TRIM5: variants seen among roughly 807,000 people sequenced by gnomAD.
TRIM5 encodes the protein tripartite motif-containing protein 5.
A neutral mutation model predicts 35.6 loss-of-function variants in TRIM5; 31 were observed. That is an observed-to-expected ratio of 0.87 (90% CI 0.65 to 1.18). The LOEUF is 1.18. Ranked by LOEUF, TRIM5 falls within the 50% of genes most tolerant of loss-of-function variation. The probability of loss-of-function intolerance (pLI) is 0.00; values close to 1 mark genes in which losing one functional copy is unlikely to be tolerated. For missense variants in TRIM5, 609 were observed against 591.6 expected, an observed-to-expected ratio of 1.03 and a Z score of -0.31; for synonymous variants, 243 against 215.6, an observed-to-expected ratio of 1.13 and a Z score of -1.11.
At chr11:5,599,528 C>T in the TRIM5 span, among the ~76,000 whole-genome samples, 18 of 152,028 alleles carry the variant, frequency 1.2e-4, no homozygotes, top group African/African-American at 3.9e-4. Context: ...CTCAGCCTCC[C>T]GAGTAGCTGG....
chr11:5,626,286 C>T, the TRIM5 span, among the ~76,000 whole-genome samples: 57 of 152,236 alleles, frequency 3.7e-4, no homozygotes, highest in African/African-American at 1.3e-3. Flanking sequence ...AGCCTACATC[C>T]AAATAGAAAG....
chr11:5,626,332 C>T, the TRIM5 span, among the ~76,000 whole-genome samples: 1 of 152,164 alleles, frequency 6.6e-6, no homozygotes, highest in Non-Finnish European at 1.5e-5. Flanking sequence ...TTAGAGTACA[C>T]AAGAAGATGA....
At chr11:5,657,687 TTTATAATATA>T in the TRIM5 span, among the ~76,000 whole-genome samples, 501 of 130,392 alleles carry the variant, frequency 3.8e-3, 5 homozygotes, top group African/African-American at 0.014. Context: ...TATATATATA[TTTATAATATA>T]ATATATATAA....
At chr11:5,589,336 T>C in the TRIM5 span, 2 of 152,040 alleles carry the variant, frequency 1.3e-5, no homozygotes, top group African/African-American at 4.8e-5. Flanking sequence ...TAATTTATTA[T>C]GGAAATTATA....
the TRIM5 span, among the ~76,000 whole-genome samples, chr11:5,617,520 C>T: frequency 5.6e-4 from 67 of 120,000 alleles, 4 homozygotes; most frequent in South Asian, 7.3e-3. Flanking sequence ...CAGAGTTTTG[C>T]TCTTGTTGCC....
rs186992432 is a variant in TRIM5, at chr11:5,682,624, C to T, written c.-62+2244G>A. On this transcript the variant is annotated intron_variant, in intron 1 of 7. Transcript: ENST00000380034. ...CCAGATCCAAGGGGGAAATTAGACC[C>T]CCGAACCAGCGTATATACTGGAACT... 1.2e-4 allele frequency among the ~76,000 whole-genome samples: 18 copies of T among 152,316 alleles called. No individual in the cohort carries two copies. In the East Asian group the frequency reaches 2.9e-3, roughly 24 times the overall value.
chr11:5,632,880 G>A, the TRIM5 span: 44 of 1,290,416 alleles, frequency 3.4e-5, no homozygotes, highest in Non-Finnish European at 4.3e-5. Context: ...AGGCTGGAGT[G>A]CAGTGGCGTG....
intron 6 of TRIM5, 116 bp downstream of exon 6, chr11:5,665,865 A>G (rs1851091559): frequency 2.3e-6 from 3 of 1,301,662 alleles, no homozygotes; most frequent in Non-Finnish European, 2.1e-6. Flanking sequence ...GCAGCAGACA[A>G]TATCTATCCT....
the TRIM5 span, chr11:5,604,662 G>GC: frequency 8.7e-6 from 14 of 1,601,554 alleles, no homozygotes; most frequent in Non-Finnish European, 1.2e-5. Context: ...ATGTCCTGGG[G>GC]CAGGAATCAT....
the TRIM5 span, chr11:5,603,673 C>T: frequency 2.8e-5 from 45 of 1,613,060 alleles, no homozygotes; most frequent in African/African-American, 4.0e-5. Flanking sequence ...GCTTTGTGAG[C>T]GGTCTCAGGA....
chr11:5,666,616 A>G (rs1564907897), intron 5 of TRIM5, among the ~76,000 whole-genome samples: 1 of 152,222 alleles, frequency 6.6e-6, no homozygotes, highest in Admixed American at 6.5e-5. Flanking sequence ...AGGTACTCAG[A>G]TAACATCTAA....
At chr11:5,643,781 A>G in the TRIM5 span, 1 of 1,507,458 alleles carries the variant, frequency 6.6e-7, no homozygotes, top group Non-Finnish European at 8.8e-7. Context: ...TGCAACATTC[A>G]CACCATTGCT....
At chr11:5,594,863 G>A in the TRIM5 span, among the ~76,000 whole-genome samples, 19 of 152,144 alleles carry the variant, frequency 1.2e-4, no homozygotes, top group African/African-American at 4.3e-4. Flanking sequence ...CAGTTTGGGT[G>A]GGGTCAGGAG....
the TRIM5 span, among the ~76,000 whole-genome samples, chr11:5,614,380 CT>C: frequency 6.6e-6 from 1 of 152,178 alleles, no homozygotes; most frequent in Non-Finnish European, 1.5e-5. Flanking sequence ...AGAAAACGTG[CT>C]TTTTAAATCC....
At chr11:5,670,814 A>G (rs1851533586) in intron 4 of TRIM5, among the ~76,000 whole-genome samples, 1 of 152,204 alleles carries the variant, frequency 6.6e-6, no homozygotes, top group Non-Finnish European at 1.5e-5. Context: ...TACACTTAAA[A>G]ATTATATTTT....
intron 1 of TRIM5, among the ~76,000 whole-genome samples, chr11:5,682,493 G>A (rs1291884847): frequency 6.6e-6 from 1 of 152,094 alleles, no homozygotes; most frequent in Non-Finnish European, 1.5e-5. Flanking sequence ...TGAAATGACT[G>A]GGAAAGTTAT....
At chr11:5,655,975 C>G in the TRIM5 span, among the ~76,000 whole-genome samples, 1 of 152,174 alleles carries the variant, frequency 6.6e-6, no homozygotes, top group South Asian at 2.1e-4. Flanking sequence ...AACTGGACCC[C>G]TTCCTTACAC....
chr11:5,639,426 A>C, the TRIM5 span, among the ~76,000 whole-genome samples: 3 of 152,172 alleles, frequency 2.0e-5, no homozygotes, highest in African/African-American at 7.2e-5. Flanking sequence ...CACACCTGTA[A>C]TCCCAGCACT....
chr11:5,606,300 A>T, the TRIM5 span, among the ~76,000 whole-genome samples: 1 of 151,308 alleles, frequency 6.6e-6, no homozygotes, highest in South Asian at 2.1e-4. Context: ...TAGGTCGCAG[A>T]TTACAAGGTA....
Sources: allele counts gnomAD v4.1 joint callset (sites outside exome capture counted in the v4.1 genomes callset), GRCh38; gene constraint gnomAD v4.1.1; transcripts MANE v1.5; gene names NCBI Gene and HGNC (gene_info 2026-07-23, HGNC 2026-07-21).